PIK3AP1: variants seen among roughly 807,000 people sequenced by gnomAD.
PIK3AP1 encodes the protein phosphoinositide-3-kinase adaptor protein 1.
PIK3AP1 carries 21 observed loss-of-function variants against 88.1 expected under a neutral mutation model. The observed-to-expected ratio is 0.24, with a 90% CI of 0.17 to 0.34. The LOEUF (loss-of-function observed/expected upper bound fraction) is 0.34. PIK3AP1 is among the 10% of genes least tolerant of loss of function. PIK3AP1 has a pLI of 1.00. For synonymous variants in PIK3AP1, 398 were observed against 400.0 expected (o/e 1.00, Z 0.06); for missense variants, 828 against 1,035.7 (o/e 0.80, Z 2.75).
intron 13 of PIK3AP1, 141 bp from the exon 14 acceptor site, chr10:96,610,008 G>C: frequency 9.6e-7 from 1 of 1,046,422 alleles, no homozygotes; most frequent in Non-Finnish European, 1.4e-6. Flanking sequence ...CGATGGGAGA[G>C]GGAGGGGCCC....
intron 13 of PIK3AP1, among the ~76,000 whole-genome samples, chr10:96,612,938 T>TTGTGTG (rs60662845): frequency 3.0e-3 from 114 of 37,438 alleles, no homozygotes; most frequent in African/African-American, 9.8e-3. Flanking sequence ...TGCCACTGAA[T>TTGTGTG]TGTGTGTGTG....
Position 96,609,714 on chromosome 10 carries a change from G to C in PIK3AP1, c.2168C>G (p.Ala723Gly). Residue 723 changes from alanine (A) to glycine (G), a missense_variant and splice_region_variant, in exon 14 of 17, where the codon GCA becomes GGA. Ala to Gly is a moderately conservative substitution (Grantham distance 60). This residue lies in a region of PIK3AP1 where 191 missense variants were observed against 208.6 expected (regional missense o/e 0.92). Coordinates refer to ENST00000339364, the MANE Select transcript of PIK3AP1 (RefSeq NM_152309.3). ...DWKTDSTSST[A>G]SSTSNRSSTR... is the part of the protein sequence containing the mutation. ...CCCCCGCACCCCCAGCTGCTCACTT[G>C]CTGTGCTGGAGGTGCTGTCTGTTTT... 6.2e-7 allele frequency: 1 copy of C among 1,613,200 alleles called. No homozygotes were observed. The highest frequency in any genetic ancestry group is 8.5e-7 in the Non-Finnish European group (1 of 1,179,698).
chr10:96,609,177 G>C (rs1329374390), intron 14 of PIK3AP1, among the ~76,000 whole-genome samples: 2 of 152,116 alleles, frequency 1.3e-5, no homozygotes, highest in African/African-American at 4.8e-5. Context: ...TATTTTACTT[G>C]AGTACATTGT....
At chr10:96,684,574 C>T (rs1489179965) in intron 2 of PIK3AP1, among the ~76,000 whole-genome samples, 2 of 152,242 alleles carry the variant, frequency 1.3e-5, no homozygotes, top group Non-Finnish European at 2.9e-5. Context: ...ACCTATGCCA[C>T]TGAGTTACTG....
intron 8 of PIK3AP1, among the ~76,000 whole-genome samples, chr10:96,635,971 G>A (rs917766541): frequency 4.6e-5 from 7 of 151,992 alleles, no homozygotes; most frequent in Non-Finnish European, 1.0e-4. Flanking sequence ...ACTTTGGGAG[G>A]CCGAGGGGGG....
chr10:96,626,793 G>C lies in PIK3AP1; in HGVS notation c.1584C>G (p.Ser528Arg). The C allele has an allele frequency of 6.2e-7, 1 of 1,614,240 alleles. No homozygotes were observed. Among genetic ancestry groups the C allele is most frequent in the Non-Finnish European group, 8.5e-7 (1 of 1,180,036 alleles). Residue 528 changes from serine to arginine, a missense_variant, in exon 10 of 17, where the codon AGC becomes AGG. By Grantham distance (110) the Ser-to-Arg change is moderately radical. Transcript: ENST00000339364. ...GTCTGGGCACTGGGACAGGGGGCCT[G>C]CTGGCCAGGTCCACAGAAAAGGCCT... ...DDEAFSVDLA[S>R]RPPVPVPRPE...
Position 96,628,471 on chromosome 10 carries a change from A to C in PIK3AP1, c.1398T>G (p.Ser466Arg), listed in dbSNP as rs765123457. The change falls in exon 9 of 17, where the codon AGT (serine) becomes AGG (arginine). Residue 466 changes from serine to arginine, a missense_variant. Coordinates refer to ENST00000339364, the MANE Select transcript of PIK3AP1 (RefSeq NM_152309.3). ...EDLYVEMLQA[S>R]TSNPIPGDGF... ...CATCTCCAGGGATTGGGTTAGATGT[A>C]CTGGCCTGAAGCATTTCAACATCTA... 19 of 1,613,014 alleles carry C rather than the reference A, an allele frequency of 1.2e-5. No homozygotes were observed. Among genetic ancestry groups the C allele is most frequent in the Middle Eastern group, 1.6e-4 (1 of 6,084 alleles).
intron 11 of PIK3AP1, among the ~76,000 whole-genome samples, chr10:96,622,683 A>G (rs1157372927): frequency 6.6e-6 from 1 of 152,220 alleles, no homozygotes; most frequent in Non-Finnish European, 1.5e-5. Flanking sequence ...CTACTACCAG[A>G]GCCCTTTGGG....
rs1848728499 is a variant in PIK3AP1 at position 96,594,798 on chromosome 10, A to G, written c.*779T>C. The G allele has an allele frequency of 6.6e-6, 1 of 152,238 alleles. No individual in the cohort carries two copies. The highest frequency in any genetic ancestry group is 2.4e-5 in the African/African-American group (1 of 41,464). The allele number at this position is 152,238 out of a possible 1,614,324, so 9.4% of individuals were successfully genotyped here. A position where few individuals can be genotyped will look rare whatever the true frequency, so the allele number is the denominator to read the frequency against. On this transcript the variant is annotated 3_prime_UTR_variant, in exon 17 of 17. Transcript: ENST00000339364. The surrounding 1 kb of genome is among the most constrained non-coding windows in gnomAD (Gnocchi z 4.6). Reference sequence around the variant, plus strand: ...GAAAACAAACAAACTTGGTAGTCTCATGCCTGGGAGATACGGAAGATGGAA... The same window carrying G: ...GAAAACAAACAAACTTGGTAGTCTCGTGCCTGGGAGATACGGAAGATGGAA...
At chr10:96,688,716 T>C (rs1844109703) in intron 2 of PIK3AP1, among the ~76,000 whole-genome samples, 1 of 151,806 alleles carries the variant, frequency 6.6e-6, no homozygotes, top group Non-Finnish European at 1.5e-5. Context: ...GAGAATCACT[T>C]AAACCCAGGA....
At chr10:96,652,383 C>A (rs538847920) in intron 4 of PIK3AP1, among the ~76,000 whole-genome samples, 1 of 152,180 alleles carries the variant, frequency 6.6e-6, no homozygotes, top group Admixed American at 6.5e-5. Flanking sequence ...ACCATCCTGG[C>A]TAACATGGTG....
At chr10:96,648,494 T>A (rs1347777464) in intron 7 of PIK3AP1, among the ~76,000 whole-genome samples, 165 bp downstream of exon 7, 1 of 152,204 alleles carries the variant, frequency 6.6e-6, no homozygotes, top group African/African-American at 2.4e-5. Flanking sequence ...CCCAGGTCCA[T>A]GTGACTCCAG....
chr10:96,626,913 C>T lies in PIK3AP1; in HGVS notation c.1472-8G>A, dbSNP rs774832922. On this transcript the variant is annotated splice_region_variant and splice_polypyrimidine_tract_variant and intron_variant, in intron 9 of 16. Transcript: ENST00000339364. ...TCATTCCCATGCTGTTGCCTAGAAACGCAGAGAAAGGTGACTGAAAGCAGT... is the reference window on the plus strand; with the variant it reads ...TCATTCCCATGCTGTTGCCTAGAAATGCAGAGAAAGGTGACTGAAAGCAGT... 16 of 1,611,566 alleles carry T rather than the reference C, an allele frequency of 9.9e-6. 1 individual carries two copies. Among genetic ancestry groups the T allele is most frequent in the South Asian group, 9.9e-5 (9 of 91,008 alleles).
Position 96,648,737 on chromosome 10 carries a change from G to T in PIK3AP1, c.1107C>A (p.Asn369Lys). 2 of 1,611,296 alleles carry T rather than the reference G, an allele frequency of 1.2e-6. No homozygotes were observed. The highest frequency in any genetic ancestry group is 1.7e-6 in the Non-Finnish European group (2 of 1,178,994). The part of the protein sequence containing the change: ...PGALQAYSVA[N>K]KHGHYPNTIA... ...TGGTGTTGGGGTAGTGGCCATGCTT[G>T]TTGGCCACGCTGTACGCCTGCAGGG... The change falls in exon 7 of 17, where the codon AAC becomes AAA. Residue 369 changes from asparagine (N) to lysine (K), a missense_variant. By Grantham distance (94) the Asn-to-Lys change is moderately conservative. Around this residue, in one of 3 missense-constraint regions of PIK3AP1, gnomAD observed 610 missense variants for 760.1 expected, o/e 0.80. Coordinates refer to ENST00000339364, the MANE Select transcript of PIK3AP1 (RefSeq NM_152309.3).
At chr10:96,719,405 C>G (rs1844543217) in intron 1 of PIK3AP1, among the ~76,000 whole-genome samples, 1 of 152,288 alleles carries the variant, frequency 6.6e-6, no homozygotes, top group South Asian at 2.1e-4. Flanking sequence ...CAGGTTATCC[C>G]TACTAAAACA....
intron 2 of PIK3AP1, among the ~76,000 whole-genome samples, chr10:96,682,693 C>A (rs1384966130): frequency 3.9e-5 from 6 of 152,182 alleles, no homozygotes; most frequent in Non-Finnish European, 8.8e-5. Flanking sequence ...CACCAACTGA[C>A]CCCAAGCCTC....
intron 8 of PIK3AP1, among the ~76,000 whole-genome samples, chr10:96,641,812 CG>C (rs1564966451): frequency 6.6e-6 from 1 of 152,112 alleles, no homozygotes. Flanking sequence ...GATGAGATCA[CG>C]GGGATACAGG....
rs1245372977 is a variant in PIK3AP1, at chr10:96,651,579, T to C, written c.785A>G (p.Tyr262Cys). 3.1e-6 allele frequency: 5 copies of C among 1,614,178 alleles called. No homozygotes were observed. The highest frequency in any genetic ancestry group is 4.2e-6 in the Non-Finnish European group (5 of 1,180,002). Residue 262 changes from tyrosine to cysteine, a missense_variant, in exon 5 of 17, where the codon TAT (tyrosine) becomes TGT (cysteine). Coordinates refer to ENST00000339364, the MANE Select transcript of PIK3AP1 (RefSeq NM_152309.3). The part of the protein sequence containing the change: ...DLVVCETVIS[Y>C]YTDMEEIGNL... ...CCCAATTTCTTCCATGTCAGTATAA[T>C]AGCTGATAACGGTTTCACACACCAC...
At chr10:96,716,517 G>A (rs1033594888) in intron 1 of PIK3AP1, among the ~76,000 whole-genome samples, 2 of 152,200 alleles carry the variant, frequency 1.3e-5, no homozygotes, top group Admixed American at 1.3e-4. Flanking sequence ...TCACCTTCCC[G>A]AATATTGCTG....
Sources: gnomAD v4.1 joint callset for allele counts (sites outside exome capture counted in the v4.1 genomes callset) on GRCh38, gnomAD v4.1.1 for gene constraint, gnomAD v4.1.1 regional missense constraint, Gnocchi (gnomAD v3.1) non-coding constraint, MANE v1.5 for transcripts, NCBI Gene and HGNC (gene_info 2026-07-23, HGNC 2026-07-21) for gene names.